Variants in MRPS31 observed in about 807,000 individuals in gnomAD.
MRPS31 encodes mitochondrial ribosomal protein S31, also known as small ribosomal subunit protein mS31.
In MRPS31, 32 loss-of-function variants were observed where a neutral mutation model predicts 43.1. The ratio of observed to expected loss-of-function variants is 0.74; its 90% CI spans 0.56 to 1.00. MRPS31 has a LOEUF of 1.00. Ranked by LOEUF, MRPS31 falls within the 50% of genes least tolerant of loss-of-function variation. MRPS31 has a pLI of 0.00. For missense variants in MRPS31, 437 were observed against 466.7 expected, an observed-to-expected ratio of 0.94 and a Z score of 0.59; for synonymous variants, 165 against 161.6, an observed-to-expected ratio of 1.02 and a Z score of -0.16.
At chr13:40,735,811 T>C (rs2137994070) in intron 6 of MRPS31, among the ~76,000 whole-genome samples, 1 of 149,994 alleles carries the variant, frequency 6.7e-6, no homozygotes, top group South Asian at 2.1e-4. Context: ...CAAAAGGAGA[T>C]AAAACCACAA....
intron 6 of MRPS31, among the ~76,000 whole-genome samples, chr13:40,737,210 T>A (rs1879940753): frequency 1.3e-5 from 2 of 151,740 alleles, no homozygotes; most frequent in South Asian, 4.2e-4. Flanking sequence ...GGTAAAGGGA[T>A]CAATTCAACA....
At chr13:40,738,696 T>C (rs1879995661) in intron 6 of MRPS31, among the ~76,000 whole-genome samples, 1 of 152,176 alleles carries the variant, frequency 6.6e-6, no homozygotes, top group African/African-American at 2.4e-5. Flanking sequence ...ACTACATGAT[T>C]ATCTCAATAG....
intron 6 of MRPS31, among the ~76,000 whole-genome samples, chr13:40,735,245 C>T (rs1180486596): frequency 1.3e-5 from 2 of 152,166 alleles, no homozygotes; most frequent in Non-Finnish European, 2.9e-5. Flanking sequence ...AAACGGCGCA[C>T]CAGATTATAT....
intron 6 of MRPS31, among the ~76,000 whole-genome samples, chr13:40,740,994 C>G (rs1377050141): frequency 1.4e-5 from 2 of 148,006 alleles, no homozygotes; most frequent in Non-Finnish European, 3.0e-5. Flanking sequence ...AACAACACCC[C>G]ACACAATTGT....
In MRPS31 at chr13:40,771,169, T is replaced by C. The variant is rs960616885; in HGVS notation, c.-33A>G. The stretch of plus-strand genomic sequence containing the variant: ...ACACGAAATGAACCAAGAACACAAC[T>C]GAAATGGTGCGTCCCGCTGCCAAAC... On this transcript the variant is annotated 5_prime_UTR_variant, in exon 1 of 7. Coordinates refer to ENST00000323563, the MANE Select transcript of MRPS31 (RefSeq NM_005830.4). 5.1e-6 allele frequency: 8 copies of C among 1,560,710 alleles called. No homozygotes were observed. Among genetic ancestry groups the C allele is most frequent in the African/African-American group, 1.4e-5 (1 of 73,070 alleles).
chr13:40,765,035 A>T (rs1417255804), intron 2 of MRPS31, among the ~76,000 whole-genome samples: 1 of 152,216 alleles, frequency 6.6e-6, no homozygotes, highest in Non-Finnish European at 1.5e-5. Context: ...ATCATGACTA[A>T]CCTAATCCCG....
chr13:40,729,142 C>A lies in MRPS31; in HGVS notation c.*230G>T. The A allele has an allele frequency of 2.9e-6, 1 of 342,576 alleles. No homozygotes were observed. 21.2% of individuals were successfully genotyped at this position (342,576 alleles called of 1,614,324 possible). A position where few individuals can be genotyped will look rare whatever the true frequency, so the allele number is the denominator to read the frequency against. On this transcript the variant is annotated 3_prime_UTR_variant, in exon 7 of 7. Coordinates refer to ENST00000323563, the MANE Select transcript of MRPS31 (RefSeq NM_005830.4). Reference sequence around the variant, plus strand: ...AAAGAAAAAGGTTAGGAGTTGTTGTCTTAAATGTATTACTAATTCCCAGAT... The same window carrying A: ...AAAGAAAAAGGTTAGGAGTTGTTGTATTAAATGTATTACTAATTCCCAGAT...
At position 40,767,094 on chromosome 13, in the gene MRPS31, AACTT is replaced by A. The variant is rs72008458; in HGVS notation, c.153-65_153-62del. 1.5e-3 allele frequency: 1,991 copies of A among 1,346,342 alleles called. 44 individuals are homozygous for A. The East Asian group carries it at 0.035, about 24-fold the overall frequency. The allele number at this position is 1,346,342 out of a possible 1,614,324, so 83.4% of individuals were successfully genotyped here. ...CAATGCAGTCTACAATAAAGTAAAA[AACTT>A]ACTTACAATAAAGTAAAAAACTATG... On this transcript the variant is annotated intron_variant, in intron 1 of 6. Transcript: ENST00000323563.
chr13:40,757,855 T>A (rs73459577), intron 3 of MRPS31, among the ~76,000 whole-genome samples: 6,665 of 147,382 alleles, frequency 0.045, 306 homozygotes, highest in East Asian at 0.14. Flanking sequence ...TAAGTGATCC[T>A]CCCAAGGCCG....
intron 6 of MRPS31, among the ~76,000 whole-genome samples, chr13:40,740,820 A>G (rs1880065680): frequency 1.4e-5 from 2 of 147,842 alleles, no homozygotes; most frequent in Admixed American, 6.8e-5. Flanking sequence ...TAGCACTGGG[A>G]GATATACCTA....
chr13:40,744,478 C>A (rs1431668176), intron 6 of MRPS31, among the ~76,000 whole-genome samples: 7 of 152,070 alleles, frequency 4.6e-5, no homozygotes, highest in Non-Finnish European at 8.8e-5. Context: ...TTTCCAATTC[C>A]CTAACAACAT....
intron 2 of MRPS31, among the ~76,000 whole-genome samples, chr13:40,760,909 GAGAA>G (rs1880677831): frequency 6.6e-6 from 1 of 151,938 alleles, no homozygotes; most frequent in Non-Finnish European, 1.5e-5. Context: ...GAAGTTCTTG[GAGAA>G]AGATTTTAAG....
At chr13:40,769,414 ATATATATT>A (rs1296876956) in intron 1 of MRPS31, among the ~76,000 whole-genome samples, 5 of 111,064 alleles carry the variant, frequency 4.5e-5, no homozygotes, top group Admixed American at 2.0e-4. Context: ...ATATATATAT[ATATATATT>A]ATCAAGTTCT....
intron 6 of MRPS31, among the ~76,000 whole-genome samples, chr13:40,748,014 T>C (rs1032815328): frequency 3.9e-5 from 6 of 152,106 alleles, no homozygotes; most frequent in African/African-American, 1.4e-4. Context: ...ATCCAACAAA[T>C]AAAAGATTAT....
At chr13:40,733,279 C>A (rs1275637718) in intron 6 of MRPS31, among the ~76,000 whole-genome samples, 1 of 152,044 alleles carries the variant, frequency 6.6e-6, no homozygotes, top group Non-Finnish European at 1.5e-5. Flanking sequence ...GCTGGGATCA[C>A]AGGTGTGAGC....
chr13:40,757,124 C>A, intron 3 of MRPS31, 111 bp from the exon 4 acceptor site: 2 of 751,888 alleles, frequency 2.7e-6, no homozygotes, highest in South Asian at 4.2e-5. Context: ...TTTTTATGCA[C>A]TAATTACACA....
In MRPS31 at chr13:40,761,921, G is replaced by GAA. The variant is rs58767091; in HGVS notation, c.441-2817_441-2816dup. ...AATATGTGTTTAAAGAAAATAAACA[G>GAA]AAAAAAAAAAAAAAGAAAGAAAGAA... On this transcript the variant is annotated intron_variant, in intron 2 of 6. Coordinates refer to ENST00000323563, the MANE Select transcript of MRPS31 (RefSeq NM_005830.4). Among the ~76,000 whole-genome samples the GAA allele has an allele frequency of 5.5e-5, 5 of 91,374 alleles. No homozygotes were observed. The East Asian group carries it at 1.0e-3, about 19-fold the overall frequency. The allele number at this position is 91,374 out of a possible 152,430, so 59.9% of individuals were successfully genotyped here.
rs1156547708 is a variant in MRPS31, at chr13:40,741,123, A to G, written c.958+8015T>C. 3.9e-5 allele frequency among the ~76,000 whole-genome samples: 6 copies of G among 152,118 alleles called. No individual in the cohort carries two copies. In the East Asian group the frequency reaches 9.6e-4, roughly 24 times the overall value. ...GATGACATCTAAAATAGAGGTAAGCATATAATTTAGAAATATAAAAAATAA... is the reference window on the plus strand; with the variant it reads ...GATGACATCTAAAATAGAGGTAAGCGTATAATTTAGAAATATAAAAAATAA... On this transcript the variant is annotated intron_variant, in intron 6 of 6. Coordinates refer to ENST00000323563, the MANE Select transcript of MRPS31 (RefSeq NM_005830.4).
intron 6 of MRPS31, among the ~76,000 whole-genome samples, chr13:40,735,893 C>G (rs1227350980): frequency 6.6e-6 from 1 of 151,028 alleles, no homozygotes; most frequent in Non-Finnish European, 1.5e-5. Flanking sequence ...TCCAAAGGAA[C>G]GCAGCTCCTC....
Sources: gnomAD v4.1 joint callset for allele counts (sites outside exome capture counted in the v4.1 genomes callset) on GRCh38, gnomAD v4.1.1 for gene constraint, MANE v1.5 for transcripts, NCBI Gene and HGNC (gene_info 2026-07-23, HGNC 2026-07-21) for gene names.